The following DYM variants were observed in gnomAD, a reference collection of about 807,000 sequenced individuals.
The protein encoded by DYM is dyggve-Melchior-Clausen syndrome protein.
Under a neutral mutation model 93.1 loss-of-function variants are expected in DYM, and 78 were observed. That is an observed-to-expected ratio of 0.84 (90% CI 0.70 to 1.01). The LOEUF (loss-of-function observed/expected upper bound fraction) is 1.01, where lower values mean the gene tolerates loss of function less well. DYM is among the 50% of genes least tolerant of loss of function. DYM has a pLI of 0.00. For synonymous variants in DYM, 321 were observed against 319.7 expected (o/e 1.00, Z -0.04); for missense variants, 789 against 845.0 (o/e 0.93, Z 0.82).
chr18:49,289,790 C>T lies in DYM; in HGVS notation c.764-3174G>A, dbSNP rs7242594. Among the ~76,000 whole-genome samples, 296 of 35,566 alleles carry T rather than the reference C, an allele frequency of 8.3e-3. 1 individual carries two copies. The highest frequency in any genetic ancestry group is 0.026 in the African/African-American group (203 of 7,764). 23.3% of individuals were successfully genotyped at this position (35,566 alleles called of 152,430 possible). On this transcript the variant is annotated intron_variant, in intron 8 of 17. Transcript: ENST00000675505. ...ATATATATACACATATATATATATA[C>T]ACACATATATATATATATACACATA...
chr18:49,059,713 G>A (rs906784506), intron 17 of DYM, among the ~76,000 whole-genome samples: 3 of 152,104 alleles, frequency 2.0e-5, no homozygotes, highest in Non-Finnish European at 4.4e-5. Flanking sequence ...GGCTTACTCA[G>A]TACCACCGGA....
intron 14 of DYM, chr18:49,208,511 C>A (rs1201299159): frequency 6.6e-6 from 1 of 152,208 alleles, no homozygotes; most frequent in Non-Finnish European, 1.5e-5. Flanking sequence ...GGCTGATCAA[C>A]ATCATCACGA....
At chr18:49,315,451 T>C (rs1052255240) in intron 8 of DYM, among the ~76,000 whole-genome samples, 3 of 152,188 alleles carry the variant, frequency 2.0e-5, no homozygotes, top group African/African-American at 4.8e-5. Context: ...ACTATGAAGA[T>C]GTATGTGATG....
chr18:49,177,852 A>T (rs2089547832), intron 14 of DYM, among the ~76,000 whole-genome samples: 1 of 152,116 alleles, frequency 6.6e-6, no homozygotes, highest in Non-Finnish European at 1.5e-5. Context: ...TCAGTGGGTT[A>T]ATGATCCCTC....
At chr18:49,213,595 C>G (rs2092893647) in intron 13 of DYM, among the ~76,000 whole-genome samples, 1 of 152,178 alleles carries the variant, frequency 6.6e-6, no homozygotes, top group Non-Finnish European at 1.5e-5. Flanking sequence ...GGATTACAGG[C>G]ACGAGCCACA....
chr18:49,117,996 C>CTTTTTTTTTTT (rs35936099), intron 16 of DYM, among the ~76,000 whole-genome samples: 6 of 53,478 alleles, frequency 1.1e-4, no homozygotes, highest in Admixed American at 2.7e-4. Context: ...TGTGCCCAGC[C>CTTTTTTTTTTT]TTTTTTTTTT....
intron 14 of DYM, among the ~76,000 whole-genome samples, chr18:49,200,342 G>A (rs977904577): frequency 5.9e-5 from 9 of 151,710 alleles, no homozygotes; most frequent in Non-Finnish European, 1.3e-4. Context: ...TACATTATCT[G>A]GTTTTTGGAC....
At chr18:49,203,238 GCC>G (rs377269742) in intron 14 of DYM, among the ~76,000 whole-genome samples, 1 of 36,712 alleles carries the variant, frequency 2.7e-5, no homozygotes, top group Non-Finnish European at 7.4e-5. Context: ...GGGGGGGTCA[GCC>G]CCCCCTGCCC....
chr18:49,380,284 A>C (rs1307887405), intron 3 of DYM, among the ~76,000 whole-genome samples: 2 of 152,196 alleles, frequency 1.3e-5, no homozygotes, highest in African/African-American at 4.8e-5. Context: ...TTTTAACTTT[A>C]AACGATGGGC....
At chr18:49,380,478 T>C (rs1196147214) in intron 3 of DYM, among the ~76,000 whole-genome samples, 3 of 152,206 alleles carry the variant, frequency 2.0e-5, no homozygotes, top group Non-Finnish European at 2.9e-5. Flanking sequence ...CATTAACTCA[T>C]TTAATCCTCA....
chr18:49,057,378 G>A (rs1433403237), intron 17 of DYM, among the ~76,000 whole-genome samples: 1 of 152,146 alleles, frequency 6.6e-6, no homozygotes, highest in East Asian at 1.9e-4. Context: ...CACTGCTCAG[G>A]GGCTGGCTCA....
chr18:49,124,920 T>A (rs867734016), intron 15 of DYM, among the ~76,000 whole-genome samples: 32 of 152,250 alleles, frequency 2.1e-4, no homozygotes, highest in Middle Eastern at 3.2e-3. Flanking sequence ...GAAGAGTGGC[T>A]AATTATAATT....
intron 13 of DYM, among the ~76,000 whole-genome samples, chr18:49,238,491 G>A (rs1156854595): frequency 6.6e-6 from 1 of 151,738 alleles, no homozygotes; most frequent in Non-Finnish European, 1.5e-5. Context: ...TGTTAAGAAA[G>A]TTAATAGCCA....
At chr18:49,336,120 G>A (rs1360835434) in intron 6 of DYM, among the ~76,000 whole-genome samples, 1 of 152,120 alleles carries the variant, frequency 6.6e-6, no homozygotes, top group African/African-American at 2.4e-5. Flanking sequence ...GACTGCAAAT[G>A]TATTTTGTCA....
intron 2 of DYM, among the ~76,000 whole-genome samples, chr18:49,426,401 TG>T (rs2074290732): frequency 3.2e-5 from 2 of 63,326 alleles, no homozygotes; most frequent in African/African-American, 1.3e-4. Flanking sequence ...TGTTGTGGGG[TG>T]GGGGGAGGGG....
intron 13 of DYM, among the ~76,000 whole-genome samples, chr18:49,245,242 A>C (rs548449756): frequency 1.3e-5 from 2 of 152,340 alleles, no homozygotes; most frequent in African/African-American, 4.8e-5. Context: ...TGTTTGTAAA[A>C]CATGTATTTG....
At chr18:49,171,633 C>T (rs1163205156) in intron 14 of DYM, among the ~76,000 whole-genome samples, 1 of 152,042 alleles carries the variant, frequency 6.6e-6, no homozygotes, top group Non-Finnish European at 1.5e-5. Flanking sequence ...GAGCTACAAA[C>T]CAAATCTCAC....
chr18:49,333,808 A>C lies in DYM; in HGVS notation c.540T>G (p.Val180=). ...GGAAGAGTTGGCAGGAAAGGAAAAC[A>C]ACCATTGTTGATATAGCTTCTACTG... ...EISVEAISTM[V]VFLSCQLFHK... is the part of the protein sequence containing the mutation. The change falls in exon 7 of 18, where the codon GTT becomes GTG. Residue 180 remains valine (V), a synonymous_variant. Transcript: ENST00000675505. 1 of 1,613,450 alleles carries C rather than the reference A, an allele frequency of 6.2e-7. No individual in the cohort carries two copies. Among genetic ancestry groups the C allele is most frequent in the South Asian group, 1.1e-5 (1 of 91,072 alleles).
chr18:49,275,388 G>A (rs527539047), intron 10 of DYM, among the ~76,000 whole-genome samples: 32 of 152,132 alleles, frequency 2.1e-4, no homozygotes, highest in Non-Finnish European at 4.6e-4. Flanking sequence ...AGTAAGTTTT[G>A]AAATTAGAAA....
Sources: gnomAD v4.1 joint callset for allele counts (sites outside exome capture counted in the v4.1 genomes callset) on GRCh38, gnomAD v4.1.1 for gene constraint, MANE v1.5 for transcripts, NCBI Gene and HGNC (gene_info 2026-07-23, HGNC 2026-07-21) for gene names.